CNTNAP5: variants seen among roughly 807,000 people sequenced by gnomAD.
CNTNAP5 encodes the protein contactin-associated protein-like 5.
In CNTNAP5, 72 loss-of-function variants were observed where a neutral mutation model predicts 150.2. That is an observed-to-expected ratio of 0.48 (90% confidence interval 0.40 to 0.58). CNTNAP5 has a LOEUF of 0.58. Among genes scored for constraint, CNTNAP5 ranks in the 20% least tolerant of loss-of-function variants. The pLI is 0.00. For synonymous variants in CNTNAP5, 672 were observed against 619.8 expected, an observed-to-expected ratio of 1.08 and a Z score of -1.25; for missense variants, 1,636 against 1,626.2, an observed-to-expected ratio of 1.01 and a Z score of -0.10.
chr2:124,194,177 T>G (rs1685522608), intron 1 of CNTNAP5, among the ~76,000 whole-genome samples: 1 of 151,578 alleles, frequency 6.6e-6, no homozygotes, highest in African/African-American at 2.4e-5. Context: ...CCTCCCCCAT[T>G]TATTTTCTCT....
intron 14 of CNTNAP5, among the ~76,000 whole-genome samples, chr2:124,750,021 TA>T (rs1680691842): frequency 6.6e-6 from 1 of 152,164 alleles, no homozygotes; most frequent in South Asian, 2.1e-4. Flanking sequence ...CCTCATCTGA[TA>T]ATTTCACTTC....
chr2:124,714,612 G>C (rs1170137437), intron 13 of CNTNAP5, among the ~76,000 whole-genome samples: 1 of 151,934 alleles, frequency 6.6e-6, no homozygotes, highest in African/African-American at 2.4e-5. Context: ...GTAGCTCCTA[G>C]TTAGGGAATT....
chr2:124,608,258 T>C (rs534178547), intron 11 of CNTNAP5, among the ~76,000 whole-genome samples: 1 of 152,326 alleles, frequency 6.6e-6, no homozygotes, highest in South Asian at 2.1e-4. Context: ...GCTGCTGCTC[T>C]GAGCAACAGC....
chr2:124,221,440 C>A (rs553346590), intron 1 of CNTNAP5, among the ~76,000 whole-genome samples: 3 of 151,998 alleles, frequency 2.0e-5, no homozygotes, highest in East Asian at 1.9e-4. Context: ...ATTCTGGCTG[C>A]GCTATTTTCT....
chr2:124,809,887 T>G (rs1029708505), intron 19 of CNTNAP5, among the ~76,000 whole-genome samples: 1 of 152,130 alleles, frequency 6.6e-6, no homozygotes. Flanking sequence ...CCCAGCACAG[T>G]GCATAGAAAA....
At chr2:124,453,620 G>C (rs994561203) in intron 6 of CNTNAP5, among the ~76,000 whole-genome samples, 2 of 152,102 alleles carry the variant, frequency 1.3e-5, no homozygotes, top group African/African-American at 4.8e-5. Flanking sequence ...AGAATCTTAA[G>C]AGCCATGAGG....
chr2:124,039,355 A>C (rs921210766), intron 1 of CNTNAP5, among the ~76,000 whole-genome samples: 3 of 152,220 alleles, frequency 2.0e-5, no homozygotes, highest in African/African-American at 7.2e-5. Flanking sequence ...ATTGAAGCAC[A>C]ACAGGTTAGG....
Position 124,025,507 on chromosome 2 carries a change from G to C in CNTNAP5, c.-144G>C, listed in dbSNP as rs908337668. On this transcript the variant is annotated 5_prime_UTR_variant, in exon 1 of 24. Coordinates refer to ENST00000682447, the MANE Select transcript of CNTNAP5 (RefSeq NM_001367498.1). ...CGGTTTCGGTGGAGCGTCTGGGCAC[G>C]GGATGGAGTGAAAGAGCGAGTGCCT... The C allele has an allele frequency of 3.0e-6, 2 of 667,608 alleles. No homozygotes were observed. Among genetic ancestry groups the C allele is most frequent in the South Asian group, 1.7e-5 (1 of 58,266 alleles). The allele number at this position is 667,608 out of a possible 1,614,324, so 41.4% of individuals were successfully genotyped here. A position where few individuals can be genotyped will look rare whatever the true frequency, so the allele number is the denominator to read the frequency against.
chr2:124,517,518 G>A (rs947312496), intron 8 of CNTNAP5, among the ~76,000 whole-genome samples: 14 of 150,904 alleles, frequency 9.3e-5, no homozygotes, highest in East Asian at 4.0e-4. Flanking sequence ...TTTGATGATC[G>A]TTCTTTGTGG....
chr2:124,132,866 C>A (rs532595898), intron 1 of CNTNAP5, among the ~76,000 whole-genome samples: 10 of 152,188 alleles, frequency 6.6e-5, no homozygotes, highest in African/African-American at 2.2e-4. Context: ...CTCAGCTTAC[C>A]AACTGTACTA....
chr2:124,660,785 G>A (rs575319719), intron 13 of CNTNAP5, among the ~76,000 whole-genome samples: 1 of 151,360 alleles, frequency 6.6e-6, no homozygotes, highest in East Asian at 1.9e-4. Context: ...CAAGACAAAA[G>A]ATACAAAAAT....
At chr2:124,608,029 A>C (rs915831200) in intron 11 of CNTNAP5, among the ~76,000 whole-genome samples, 2 of 152,236 alleles carry the variant, frequency 1.3e-5, no homozygotes, top group African/African-American at 4.8e-5. Context: ...ATTTATAAAA[A>C]GTCAAACCCT....
At chr2:124,347,570 G>A (rs530657006) in intron 3 of CNTNAP5, among the ~76,000 whole-genome samples, 1 of 152,120 alleles carries the variant, frequency 6.6e-6, no homozygotes, top group Non-Finnish European at 1.5e-5. Flanking sequence ...TTAAATTTGT[G>A]TTGCTTTCCA....
chr2:124,864,698 T>G (rs1677593886), intron 19 of CNTNAP5, among the ~76,000 whole-genome samples: 1 of 152,150 alleles, frequency 6.6e-6, no homozygotes, highest in Admixed American at 6.6e-5. Flanking sequence ...CCCAGTAAAT[T>G]GATTTCCTAA....
intron 2 of CNTNAP5, among the ~76,000 whole-genome samples, chr2:124,235,940 CTTATTTATTTATTTATTTAT>C (rs60439622): frequency 0.079 from 11,459 of 145,104 alleles, 608 homozygotes; most frequent in Non-Finnish European, 0.12. Context: ...CAAGTTCCCA[CTTATTTATTTATTTATTTAT>C]TTATTTATTT....
At chr2:124,233,665 C>T (rs960293313) in intron 2 of CNTNAP5, among the ~76,000 whole-genome samples, 19 of 151,982 alleles carry the variant, frequency 1.3e-4, no homozygotes, top group Non-Finnish European at 1.8e-4. Context: ...CTCTCCTTCT[C>T]TCTCTCCTCT....
rs1314950505 is a variant in CNTNAP5, at chr2:124,201,318, G to C, written c.83-20387G>C. On this transcript the variant is annotated intron_variant, in intron 1 of 23. Transcript: ENST00000682447. ...ACAATGTTTAATGATTATGGAAATT[G>C]TATCAATCACTCAGTGAGTCAGAAG... is the stretch of plus-strand genomic sequence containing the variant. Among the ~76,000 whole-genome samples the C allele has an allele frequency of 2.0e-5, 3 of 152,326 alleles. No individual in the cohort carries two copies. In the East Asian group the frequency reaches 5.8e-4, roughly 29 times the overall value.
At chr2:124,268,399 C>G (rs1252351279) in intron 3 of CNTNAP5, among the ~76,000 whole-genome samples, 1 of 152,080 alleles carries the variant, frequency 6.6e-6, no homozygotes, top group East Asian at 1.9e-4. Flanking sequence ...AGAATATCCC[C>G]CTTTTACAGA....
chr2:124,434,764 G>T (rs7568171), intron 5 of CNTNAP5, 77 bp downstream of exon 5: 5 of 1,283,900 alleles, frequency 3.9e-6, no homozygotes, highest in Middle Eastern at 2.6e-4. Flanking sequence ...TCTGACACTT[G>T]CAGTGTATCT....
Sources: allele counts gnomAD v4.1 joint callset (sites outside exome capture counted in the v4.1 genomes callset), GRCh38; gene constraint gnomAD v4.1.1; transcripts MANE v1.5; gene names NCBI Gene and HGNC (gene_info 2026-07-23, HGNC 2026-07-21).